The following PTPRD variants were observed in gnomAD, a reference collection of about 807,000 sequenced individuals.
PTPRD encodes protein tyrosine phosphatase receptor type D.
PTPRD carries 34 observed loss-of-function variants against 214.5 expected under a neutral mutation model. The observed-to-expected ratio is 0.16, with a 90% CI of 0.12 to 0.21. PTPRD has a LOEUF of 0.21. Ranked by LOEUF, PTPRD falls within the 10% of genes least tolerant of loss-of-function variation. PTPRD has a pLI of 1.00. For missense variants in PTPRD, 2,545 were observed against 2,398.7 expected, an observed-to-expected ratio of 1.06 and a Z score of -1.27; for synonymous variants, 1,128 against 845.7, an observed-to-expected ratio of 1.33 and a Z score of -5.79.
intron 3 of PTPRD, among the ~76,000 whole-genome samples, chr9:10,034,888 T>A (rs2097150117): frequency 6.6e-6 from 1 of 152,210 alleles, no homozygotes; most frequent in Admixed American, 6.5e-5. Context: ...GCAGTGAACA[T>A]ACACGTGCAT....
At position 8,709,161 on chromosome 9, in the gene PTPRD, T is replaced by C. The variant is rs1285275021; in HGVS notation, c.64+24619A>G. Reference sequence around the variant, plus strand: ...CAAAATTTTACTTAAGAGGAATAAGTTCAACAGATCTACTGTACAACATGG... The same window carrying C: ...CAAAATTTTACTTAAGAGGAATAAGCTCAACAGATCTACTGTACAACATGG... On this transcript the variant is annotated intron_variant, in intron 12 of 45. Transcript: ENST00000381196. 2.0e-5 allele frequency among the ~76,000 whole-genome samples: 3 copies of C among 151,998 alleles called. No homozygotes were observed. The East Asian group carries it at 5.8e-4, about 29-fold the overall frequency.
intron 10 of PTPRD, among the ~76,000 whole-genome samples, chr9:9,103,588 T>A (rs1191300197): frequency 2.0e-5 from 3 of 152,116 alleles, no homozygotes; most frequent in Non-Finnish European, 4.4e-5. Flanking sequence ...ATCCTTTCCT[T>A]CTTTAGCGTA....
At chr9:10,482,287 C>A (rs901926006) in intron 2 of PTPRD, among the ~76,000 whole-genome samples, 4 of 151,962 alleles carry the variant, frequency 2.6e-5, no homozygotes, top group African/African-American at 4.8e-5. Context: ...AGGAGAATGG[C>A]ATGAACCCGG....
At chr9:8,879,129 C>T (rs1327424827) in intron 11 of PTPRD, among the ~76,000 whole-genome samples, 1 of 152,156 alleles carries the variant, frequency 6.6e-6, no homozygotes, top group African/African-American at 2.4e-5. Context: ...CAGAGAGAGG[C>T]CTGGGTCCCC....
chr9:9,321,253 A>T (rs530303001), intron 9 of PTPRD, among the ~76,000 whole-genome samples: 41 of 152,284 alleles, frequency 2.7e-4, no homozygotes, highest in African/African-American at 9.4e-4. Context: ...AAAGCTCAGA[A>T]TTCATTAAAG....
At chr9:9,997,427 A>G (rs1455769814) in intron 4 of PTPRD, among the ~76,000 whole-genome samples, 1 of 151,944 alleles carries the variant, frequency 6.6e-6, no homozygotes, top group Admixed American at 6.6e-5. Flanking sequence ...CTGGGATTAC[A>G]GACAGGCATG....
At chr9:9,645,099 C>T (rs761552735) in intron 7 of PTPRD, among the ~76,000 whole-genome samples, 13 of 152,326 alleles carry the variant, frequency 8.5e-5, no homozygotes, top group African/African-American at 2.6e-4. Context: ...CTAAACACTG[C>T]CATGGGGCCA....
At chr9:8,808,462 C>CTTTTTTT (rs34627797) in intron 11 of PTPRD, among the ~76,000 whole-genome samples, 1 of 98,810 alleles carries the variant, frequency 1.0e-5, no homozygotes. Flanking sequence ...AGCCCCCCAC[C>CTTTTTTT]TTTTTTTTTT....
chr9:10,408,414 A>T (rs1178453798), intron 2 of PTPRD, among the ~76,000 whole-genome samples: 1 of 151,674 alleles, frequency 6.6e-6, no homozygotes, highest in African/African-American at 2.4e-5. Context: ...ATAAAAAAGC[A>T]TCTTAAATAA....
At chr9:9,318,183 A>G (rs541181816) in intron 9 of PTPRD, among the ~76,000 whole-genome samples, 41 of 151,892 alleles carry the variant, frequency 2.7e-4, no homozygotes, top group Non-Finnish European at 4.9e-4. Context: ...AAAAAGAAAC[A>G]AAAAACAAAA....
chr9:9,070,325 T>C (rs1047565643), intron 10 of PTPRD, among the ~76,000 whole-genome samples: 3 of 152,194 alleles, frequency 2.0e-5, no homozygotes, highest in Non-Finnish European at 4.4e-5. Flanking sequence ...AGAAATATGC[T>C]ATTTTCCTTT....
intron 2 of PTPRD, among the ~76,000 whole-genome samples, chr9:10,611,393 C>G (rs1474877482): frequency 2.0e-5 from 3 of 152,130 alleles, no homozygotes; most frequent in African/African-American, 7.2e-5. Flanking sequence ...GATTCTCTCC[C>G]TCTTGTGCAA....
At chr9:10,456,158 T>C (rs1435481274) in intron 2 of PTPRD, among the ~76,000 whole-genome samples, 2 of 151,804 alleles carry the variant, frequency 1.3e-5, no homozygotes, top group Non-Finnish European at 3.0e-5. Flanking sequence ...TAAAACCCGA[T>C]AAGGCTAAGC....
Position 9,842,298 on chromosome 9 carries a change from ATTTTTTTT to A in PTPRD, c.-367-75455_-367-75448del, listed in dbSNP as rs138386194. ...AACTCAAAGTCTACTGAAGGAGAGC[ATTTTTTTT>A]TTTTTTTTTTTTTTTTGTCATGGAC... On this transcript the variant is annotated intron_variant, in intron 5 of 45. Coordinates refer to ENST00000381196, the MANE Select transcript of PTPRD (RefSeq NM_002839.4). 8.0e-4 allele frequency among the ~76,000 whole-genome samples: 73 copies of A among 91,432 alleles called. 1 individual carries two copies. The highest frequency in any genetic ancestry group is 2.4e-3 in the East Asian group (7 of 2,874). 60.0% of individuals were successfully genotyped at this position (91,432 alleles called of 152,430 possible).
intron 3 of PTPRD, among the ~76,000 whole-genome samples, chr9:10,072,770 G>T (rs902949349): frequency 4.6e-5 from 7 of 152,206 alleles, no homozygotes; most frequent in Non-Finnish European, 7.4e-5. Context: ...GTGCACTTTG[G>T]AAGATAGTTG....
At chr9:9,405,897 T>C (rs964355935) in intron 8 of PTPRD, among the ~76,000 whole-genome samples, 50 of 152,148 alleles carry the variant, frequency 3.3e-4, no homozygotes, top group African/African-American at 1.2e-3. Flanking sequence ...GTAATTTGCT[T>C]AAACATTGTA....
At chr9:9,935,641 G>A (rs1459315154) in intron 5 of PTPRD, among the ~76,000 whole-genome samples, 2 of 148,408 alleles carry the variant, frequency 1.3e-5, no homozygotes, top group Non-Finnish European at 2.9e-5. Flanking sequence ...CGTGAAAATG[G>A]CCATACTGCC....
At chr9:8,338,022 T>TCC (rs1848664062) in intron 43 of PTPRD, among the ~76,000 whole-genome samples, 1 of 152,070 alleles carries the variant, frequency 6.6e-6, no homozygotes, top group Admixed American at 6.6e-5. Context: ...GCTAACCAAT[T>TCC]TCTCTTTCAC....
chr9:10,281,341 G>A (rs750429621), intron 3 of PTPRD, among the ~76,000 whole-genome samples: 11 of 146,930 alleles, frequency 7.5e-5, no homozygotes, highest in Non-Finnish European at 1.6e-4. Context: ...TTGAAATCAT[G>A]ATATTTAGAA....
Sources: allele counts gnomAD v4.1 joint callset (sites outside exome capture counted in the v4.1 genomes callset), GRCh38; gene constraint gnomAD v4.1.1; transcripts MANE v1.5; gene names NCBI Gene and HGNC (gene_info 2026-07-23, HGNC 2026-07-21).